The following FAM193A variants were observed in gnomAD, a reference collection of about 807,000 sequenced individuals.
FAM193A encodes family with sequence similarity 193 member A.
Under a neutral mutation model 126.5 loss-of-function variants are expected in FAM193A, and 22 were observed. The ratio of observed to expected loss-of-function variants is 0.17; its 90% CI spans 0.12 to 0.25. The LOEUF (loss-of-function observed/expected upper bound fraction) is 0.25. Ranked by LOEUF, FAM193A falls within the 10% of genes least tolerant of loss-of-function variation. The pLI, the probability that FAM193A is intolerant of heterozygous loss-of-function variation, is 1.00. For missense variants in FAM193A, 1,675 were observed against 1,672.8 expected (o/e 1.00, Z -0.02); for synonymous variants, 761 against 646.8 (o/e 1.18, Z -2.68).
chr4:2,707,773 C>T (rs1169278761), intron 19 of FAM193A, among the ~76,000 whole-genome samples: 2 of 143,608 alleles, frequency 1.4e-5, no homozygotes, highest in Non-Finnish European at 3.0e-5. Context: ...AGTGCAGTGG[C>T]GCAATCTCGG....
chr4:2,607,968 A>T (rs1176002316), intron 2 of FAM193A: 1 of 1,529,578 alleles, frequency 6.5e-7, no homozygotes, highest in Non-Finnish European at 8.8e-7. Flanking sequence ...TAACCTTGAG[A>T]TGCTACCAGG....
In FAM193A at chr4:2,689,487, A is replaced by G; in HGVS notation, c.2332-19A>G. On this transcript the variant is annotated intron_variant, in intron 13 of 20. Transcript: ENST00000637812. ...AGAATATTAATTTTGATATGTGATT[A>G]GAAAATTTTTTTTTGTAGGCTTTAC... 6.5e-7 allele frequency: 1 copy of G among 1,544,264 alleles called. No homozygotes were observed. The highest frequency in any genetic ancestry group is 8.7e-7 in the Non-Finnish European group (1 of 1,155,314).
intron 13 of FAM193A, among the ~76,000 whole-genome samples, chr4:2,681,351 A>G (rs1263058388): frequency 6.6e-6 from 1 of 151,038 alleles, no homozygotes; most frequent in Non-Finnish European, 1.5e-5. Context: ...TTGATCATTA[A>G]TCTCTGCTCT....
intron 12 of FAM193A, among the ~76,000 whole-genome samples, chr4:2,670,881 T>A (rs1044109075): frequency 6.6e-6 from 1 of 152,220 alleles, no homozygotes; most frequent in Admixed American, 6.5e-5. Context: ...TGTTGTCTTT[T>A]GTTTGTTTCC....
At chr4:2,571,208 A>T (rs1739275102) in intron 1 of FAM193A, among the ~76,000 whole-genome samples, 1 of 152,142 alleles carries the variant, frequency 6.6e-6, no homozygotes, top group Admixed American at 6.6e-5. Flanking sequence ...AAGTGGACCA[A>T]ATTATGTTTT....
At chr4:2,551,197 T>C (rs1374108653) in intron 1 of FAM193A, among the ~76,000 whole-genome samples, 1 of 152,224 alleles carries the variant, frequency 6.6e-6, no homozygotes. Context: ...TTAAATTGTT[T>C]TTGCCTGATT....
At chr4:2,679,104 G>A (rs1432260992) in intron 13 of FAM193A, among the ~76,000 whole-genome samples, 2 of 152,120 alleles carry the variant, frequency 1.3e-5, no homozygotes, top group Non-Finnish European at 2.9e-5. Flanking sequence ...TTCCTAGTTT[G>A]TTGGGTGTTT....
intron 1 of FAM193A, among the ~76,000 whole-genome samples, chr4:2,552,651 C>G (rs1738006549): frequency 6.6e-6 from 1 of 151,912 alleles, no homozygotes; most frequent in Admixed American, 6.6e-5. Context: ...CATTCTCCTG[C>G]CTCAGCCTCC....
intron 6 of FAM193A, among the ~76,000 whole-genome samples, chr4:2,642,336 T>TA (rs764867158): frequency 3.7e-4 from 56 of 151,938 alleles, no homozygotes; most frequent in Non-Finnish European, 7.4e-4. Context: ...AACAAGGTGT[T>TA]ACGGGGCGTG....
intron 20 of FAM193A, among the ~76,000 whole-genome samples, chr4:2,724,313 A>G (rs1720490983): frequency 1.3e-5 from 2 of 151,986 alleles, no homozygotes; most frequent in South Asian, 4.2e-4. Flanking sequence ...TCAACTTAAG[A>G]CCACTTTTAA....
chr4:2,716,002 T>C (rs538609695), intron 19 of FAM193A, 21 bp from the exon 20 acceptor site: 2 of 1,401,722 alleles, frequency 1.4e-6, no homozygotes, highest in Non-Finnish European at 2.0e-6. Flanking sequence ...TTTGACTTGC[T>C]GCTTCTCTTT....
chr4:2,673,169 T>A (rs1032831989), intron 13 of FAM193A, among the ~76,000 whole-genome samples: 1 of 152,132 alleles, frequency 6.6e-6, no homozygotes, highest in Non-Finnish European at 1.5e-5. Flanking sequence ...TTCTTTTTTT[T>A]CTTTGTACCA....
chr4:2,568,008 A>G (rs1365339158), intron 1 of FAM193A, among the ~76,000 whole-genome samples: 1 of 151,956 alleles, frequency 6.6e-6, no homozygotes, highest in Non-Finnish European at 1.5e-5. Context: ...GTTATCTACT[A>G]CTTCTCGTCT....
At chr4:2,581,251 CTTTCT>C (rs1032026080) in intron 1 of FAM193A, among the ~76,000 whole-genome samples, 28 of 138,616 alleles carry the variant, frequency 2.0e-4, no homozygotes, top group Non-Finnish European at 3.1e-4. Context: ...TATTTTCTTT[CTTTCT>C]TTTTTTTTTT....
In FAM193A at chr4:2,715,890, A is replaced by G. The variant is rs929650882; in HGVS notation, c.4373-133A>G. 9 of 686,274 alleles carry G rather than the reference A, an allele frequency of 1.3e-5. No individual in the cohort carries two copies. The African/African-American group carries it at 1.4e-4, about 11-fold the overall frequency. 42.5% of individuals were successfully genotyped at this position (686,274 alleles called of 1,614,324 possible). ...AGCACACCAAAGAGATCTGTCCTCTAAAATCTCATTTTAGAAAAAATGTTT... is the reference window on the plus strand; with the variant it reads ...AGCACACCAAAGAGATCTGTCCTCTGAAATCTCATTTTAGAAAAAATGTTT... On this transcript the variant is annotated intron_variant, in intron 19 of 20. Transcript: ENST00000637812.
At chr4:2,623,745 C>T (rs1742699134) in intron 2 of FAM193A, among the ~76,000 whole-genome samples, 1 of 152,206 alleles carries the variant, frequency 6.6e-6, no homozygotes, top group Non-Finnish European at 1.5e-5. Context: ...TGGCTTCATG[C>T]TTGACTGGGG....
Position 2,693,697 on chromosome 4 carries a change from T to A in FAM193A, c.2915T>A (p.Leu972Gln), listed in dbSNP as rs757197457. ...APLPALSPAA[L>Q]SPAALSPAST... The stretch of plus-strand genomic sequence containing the variant: ...CTCCCAGCGCTCTCGCCTGCTGCGC[T>A]GTCACCTGCTGCGCTCTCACCTGCC... Residue 972 changes from leucine (L) to glutamine (Q), a missense_variant, in exon 16 of 21, where the codon CTG becomes CAG. Leu to Gln is a moderately radical substitution (Grantham distance 113). Transcript: ENST00000637812. 14 of 1,614,180 alleles carry A rather than the reference T, an allele frequency of 8.7e-6. No individual in the cohort carries two copies. Among genetic ancestry groups the A allele is most frequent in the Non-Finnish European group, 1.2e-5 (14 of 1,180,038 alleles).
At chr4:2,683,348 G>T (rs1014216800) in intron 13 of FAM193A, among the ~76,000 whole-genome samples, 1 of 151,550 alleles carries the variant, frequency 6.6e-6, no homozygotes, top group Non-Finnish European at 1.5e-5. Context: ...AGGCTGGAGT[G>T]CAGTGGCGCC....
At chr4:2,680,126 G>C (rs902432116) in intron 13 of FAM193A, among the ~76,000 whole-genome samples, 3 of 152,208 alleles carry the variant, frequency 2.0e-5, no homozygotes, top group African/African-American at 7.2e-5. Flanking sequence ...CTCCCAGAGT[G>C]CTGGGATTAC....
Sources: gnomAD v4.1 joint callset for allele counts (sites outside exome capture counted in the v4.1 genomes callset) on GRCh38, gnomAD v4.1.1 for gene constraint, MANE v1.5 for transcripts, NCBI Gene and HGNC (gene_info 2026-07-23, HGNC 2026-07-21) for gene names.